WWOX: variants seen among roughly 807,000 people sequenced by gnomAD.
The protein encoded by WWOX is WW domain containing oxidoreductase.
Under a neutral mutation model 46.2 loss-of-function variants are expected in WWOX, and 69 were observed. That is an observed-to-expected ratio of 1.49 (90% CI 1.23 to 1.82). The LOEUF is 1.82. Ranked by LOEUF, WWOX falls within the 40% of genes most tolerant of loss-of-function variation. The probability of loss-of-function intolerance (pLI) is 0.00; values close to 1 mark genes in which losing one functional copy is unlikely to be tolerated. For missense variants in WWOX, 919 were observed against 542.6 expected (o/e 1.69, Z -6.89); for synonymous variants, 359 against 202.6 (o/e 1.77, Z -6.56).
At chr16:78,321,677 G>A (rs2080485428) in intron 5 of WWOX, among the ~76,000 whole-genome samples, 1 of 152,112 alleles carries the variant, frequency 6.6e-6, no homozygotes, top group African/African-American at 2.4e-5. Context: ...GCATGGAAAA[G>A]TAAATGATTG....
intron 8 of WWOX, among the ~76,000 whole-genome samples, chr16:78,800,484 T>C (rs746893281): frequency 2.6e-5 from 4 of 152,200 alleles, no homozygotes; most frequent in Non-Finnish European, 4.4e-5. Context: ...ACACTTCTTC[T>C]TTCTCCTACG....
rs138806967 is a variant in WWOX, at chr16:78,594,429, G to GCCCCCCCCCCCCCCCCCCCCCCCCCCC, written c.1056+161693_1056+161694insCCCCCCCCCCCCCCCCCCCCCCCCCCC. 9.3e-5 allele frequency among the ~76,000 whole-genome samples: 3 copies of GCCCCCCCCCCCCCCCCCCCCCCCCCCC among 32,380 alleles called. 1 individual carries two copies. The highest frequency in any genetic ancestry group is 1.4e-4 in the African/African-American group (1 of 7,366). 21.2% of individuals were successfully genotyped at this position (32,380 alleles called of 152,430 possible). On this transcript the variant is annotated intron_variant, in intron 8 of 8. Transcript: ENST00000566780. The stretch of plus-strand genomic sequence containing the variant: ...TCTTGACGAAGAAGACTGAGGAAAG[G>GCCCCCCCCCCCCCCCCCCCCCCCCCCC]CCCCCCCCCCCCCCCCGCCAAATTG...
At chr16:78,959,666 C>T (rs76750391) in intron 8 of WWOX, among the ~76,000 whole-genome samples, 5,445 of 152,152 alleles carry the variant, frequency 0.036, 345 homozygotes, top group African/African-American at 0.12. Flanking sequence ...CAAAATTTGT[C>T]GGATAGACTG....
chr16:79,163,086 G>A (rs910115775), intron 8 of WWOX, among the ~76,000 whole-genome samples: 1 of 152,188 alleles, frequency 6.6e-6, no homozygotes, highest in African/African-American at 2.4e-5. Flanking sequence ...TGTCAAACCA[G>A]TGTTTGTTGA....
Position 78,708,931 on chromosome 16 carries a change from G to C in WWOX, c.1056+276179G>C, listed in dbSNP as rs567249349. ...GAGTAAGTCAGAAAAATAAAAAGAA[G>C]GCAGGGAAAGAGTTCAAAACTCAGT... On this transcript the variant is annotated intron_variant, in intron 8 of 8. Transcript: ENST00000566780. Among the ~76,000 whole-genome samples, 17 of 152,248 alleles carry C rather than the reference G, an allele frequency of 1.1e-4. No individual in the cohort carries two copies. In the South Asian group the frequency reaches 3.3e-3, roughly 30 times the overall value.
intron 2 of WWOX, among the ~76,000 whole-genome samples, 198 bp downstream of exon 2, chr16:78,108,685 C>T (rs183242210): frequency 6.6e-6 from 1 of 152,192 alleles, no homozygotes; most frequent in Non-Finnish European, 1.5e-5. Context: ...TGATTTCTTA[C>T]TGGTCTTAAA....
At chr16:78,872,915 G>T (rs991259172) in intron 8 of WWOX, 1 of 152,280 alleles carries the variant, frequency 6.6e-6, no homozygotes, top group African/African-American at 2.4e-5. Context: ...CTCCCATGTT[G>T]ACCTCCTTTG....
At chr16:78,614,346 G>GT (rs1387594503) in intron 8 of WWOX, among the ~76,000 whole-genome samples, 2 of 152,224 alleles carry the variant, frequency 1.3e-5, no homozygotes, top group Non-Finnish European at 2.9e-5. Flanking sequence ...GTATTGTTCT[G>GT]TTTTTGGTAA....
intron 8 of WWOX, among the ~76,000 whole-genome samples, chr16:79,116,706 A>G (rs1163018507): frequency 6.6e-6 from 1 of 152,078 alleles, no homozygotes; most frequent in East Asian, 1.9e-4. Context: ...GAGTCACCCA[A>G]GAAGGTGGAA....
intron 8 of WWOX, among the ~76,000 whole-genome samples, chr16:79,028,029 G>T (rs1053311847): frequency 1.3e-5 from 2 of 151,832 alleles, no homozygotes; most frequent in African/African-American, 4.9e-5. Flanking sequence ...TCAGCTCACT[G>T]CCAGCTCTGC....
At chr16:78,273,644 C>T (rs1340814971) in intron 5 of WWOX, among the ~76,000 whole-genome samples, 1 of 152,072 alleles carries the variant, frequency 6.6e-6, no homozygotes, top group East Asian at 1.9e-4. Flanking sequence ...ATGATGAGCC[C>T]TTGAGCAAAA....
chr16:79,043,590 A>C (rs986329086), intron 8 of WWOX, among the ~76,000 whole-genome samples: 1 of 152,208 alleles, frequency 6.6e-6, no homozygotes, highest in African/African-American at 2.4e-5. Flanking sequence ...ATCCTGCATT[A>C]TAACCCTAAT....
At chr16:78,496,403 T>G (rs1421095571) in intron 8 of WWOX, 1 of 152,264 alleles carries the variant, frequency 6.6e-6, no homozygotes, top group African/African-American at 2.4e-5. Flanking sequence ...CGTGTTGACC[T>G]TATTGGAGAA....
chr16:79,034,539 G>T (rs1274302846), intron 8 of WWOX, among the ~76,000 whole-genome samples: 5 of 152,204 alleles, frequency 3.3e-5, no homozygotes, highest in Admixed American at 2.0e-4. Context: ...ATGATCAGGA[G>T]ACTGGCTTCC....
intron 8 of WWOX, among the ~76,000 whole-genome samples, chr16:78,971,003 C>T (rs1194579252): frequency 6.6e-6 from 1 of 152,138 alleles, no homozygotes; most frequent in Non-Finnish European, 1.5e-5. Flanking sequence ...GATTCCCATT[C>T]TCATGCTAGC....
intron 5 of WWOX, among the ~76,000 whole-genome samples, chr16:78,334,585 G>A (rs1005260016): frequency 6.6e-6 from 1 of 151,968 alleles, no homozygotes; most frequent in Non-Finnish European, 1.5e-5. Flanking sequence ...GTGTAATCAA[G>A]ATATTCCCAA....
At chr16:78,676,519 A>G (rs1344707903) in intron 8 of WWOX, among the ~76,000 whole-genome samples, 2 of 151,816 alleles carry the variant, frequency 1.3e-5, no homozygotes, top group Non-Finnish European at 2.9e-5. Context: ...AGGAAAGCAC[A>G]TTGTTCCAAC....
At chr16:79,211,218 G>C (rs1373881051) in intron 8 of WWOX, among the ~76,000 whole-genome samples, 4 of 152,240 alleles carry the variant, frequency 2.6e-5, no homozygotes, top group African/African-American at 4.8e-5. Flanking sequence ...CAAACGATTT[G>C]GTATCGAATT....
intron 8 of WWOX, among the ~76,000 whole-genome samples, chr16:78,848,231 A>G (rs1313992012): frequency 2.0e-5 from 3 of 152,232 alleles, no homozygotes; most frequent in African/African-American, 4.8e-5. Context: ...AAAACAAGTA[A>G]GAGTAACTTT....
Sources: gnomAD v4.1 joint callset for allele counts (sites outside exome capture counted in the v4.1 genomes callset) on GRCh38, gnomAD v4.1.1 for gene constraint, MANE v1.5 for transcripts, NCBI Gene and HGNC (gene_info 2026-07-23, HGNC 2026-07-21) for gene names.